ADCY3: variants seen among roughly 807,000 people sequenced by gnomAD.
ADCY3 encodes adenylate cyclase 3.
In ADCY3, 70 loss-of-function variants were observed where a neutral mutation model predicts 119.4. The ratio of observed to expected loss-of-function variants is 0.59; its 90% CI spans 0.48 to 0.72. The LOEUF is 0.72. Ranked by LOEUF, ADCY3 falls within the 30% of genes least tolerant of loss-of-function variation. ADCY3 has a pLI of 0.00. For synonymous variants in ADCY3, 672 were observed against 621.4 expected (o/e 1.08, Z -1.21); for missense variants, 1,238 against 1,541.6 (o/e 0.80, Z 3.30).
In ADCY3 at chr2:24,823,260, A is replaced by C; in HGVS notation, c.2832T>G (p.Gly944=). ...TGAGGAAACGCAGACACTCAATACCACCATTGTTGATGCTCTCCTCTGTGT... is the reference window on the plus strand; with the variant it reads ...TGAGGAAACGCAGACACTCAATACCCCCATTGTTGATGCTCTCCTCTGTGT... ...DFYTEESINN[G]GIECLRFLNE... Residue 944 remains glycine, a synonymous_variant, in exon 18 of 22, where the codon GGT becomes GGG. Transcript: ENST00000679454. 6.2e-7 allele frequency: 1 copy of C among 1,613,526 alleles called. No individual in the cohort carries two copies. The highest frequency in any genetic ancestry group is 8.5e-7 in the Non-Finnish European group (1 of 1,179,942).
At chr2:24,825,344 GGGGGTGCGGGGGGGGT>G (rs1286007519) in intron 16 of ADCY3, among the ~76,000 whole-genome samples, 1 of 19,660 alleles carries the variant, frequency 5.1e-5, no homozygotes, top group East Asian at 4.1e-3. Context: ...CGGGGGGGGG[GGGGGTGCGGGGGGGGT>G]GTCTCACTTT....
At chr2:24,861,378 G>C (rs1439210551) in intron 3 of ADCY3, among the ~76,000 whole-genome samples, 2 of 152,046 alleles carry the variant, frequency 1.3e-5, no homozygotes. Flanking sequence ...TTTTATAGGA[G>C]ACACTCATAA....
Position 24,878,056 on chromosome 2 carries a change from TATAG to T in ADCY3, c.676-5341_676-5338del. 3.2e-6 allele frequency: 1 copy of T among 313,882 alleles called. No individual in the cohort carries two copies. Among genetic ancestry groups the T allele is most frequent in the Non-Finnish European group, 6.9e-6 (1 of 145,050 alleles). The allele number at this position is 313,882 out of a possible 1,614,324, so 19.4% of individuals were successfully genotyped here. A position where few individuals can be genotyped will look rare whatever the true frequency, so the allele number is the denominator to read the frequency against. ...GTCCACAGCCCCTGGGGTCTCTATT[TATAG>T]ATCTTTTTACAAGTTTCTTAATCCT... is the stretch of plus-strand genomic sequence containing the variant. On this transcript the variant is annotated intron_variant, in intron 2 of 21. Transcript: ENST00000679454. The surrounding 1 kb of genome is among the most constrained non-coding windows in gnomAD (Gnocchi z 4.0).
intron 11 of ADCY3, 106 bp from the exon 12 acceptor site, chr2:24,831,855 CGGACAGG>C (rs1476768495): frequency 4.0e-5 from 4 of 100,914 alleles, no homozygotes; most frequent in East Asian, 5.7e-4. Flanking sequence ...CAGGGGACAG[CGGACAGG>C]GGGCAGGGGA....
intron 15 of ADCY3, among the ~76,000 whole-genome samples, chr2:24,827,066 A>G (rs1241853536): frequency 6.6e-6 from 1 of 152,140 alleles, no homozygotes; most frequent in Non-Finnish European, 1.5e-5. Context: ...CCCCTCTTCT[A>G]TTAGGTCATC....
chr2:24,871,358 T>C (rs1674987588), intron 3 of ADCY3, among the ~76,000 whole-genome samples: 1 of 152,228 alleles, frequency 6.6e-6, no homozygotes, highest in Non-Finnish European at 1.5e-5. Flanking sequence ...TACGATGGGC[T>C]ACTAAGCCTG....
chr2:24,850,652 C>T (rs1370365395), intron 3 of ADCY3, among the ~76,000 whole-genome samples: 1 of 152,182 alleles, frequency 6.6e-6, no homozygotes, highest in East Asian at 1.9e-4. Context: ...AGAATTTATC[C>T]CCCCAAATCC....
chr2:24,903,615 T>C (rs920102269), intron 2 of ADCY3, among the ~76,000 whole-genome samples: 9 of 151,990 alleles, frequency 5.9e-5, no homozygotes, highest in African/African-American at 2.2e-4. Flanking sequence ...CAATGATCCA[T>C]GCAAATGTTA....
At chr2:24,860,082 T>G (rs929370794) in intron 3 of ADCY3, among the ~76,000 whole-genome samples, 2 of 152,166 alleles carry the variant, frequency 1.3e-5, no homozygotes, top group African/African-American at 2.4e-5. Context: ...CATCCCTCCA[T>G]CTTCCCACAT....
At chr2:24,822,743 C>G in intron 18 of ADCY3, 113 bp from the exon 19 acceptor site, 1 of 1,400,802 alleles carries the variant, frequency 7.1e-7, no homozygotes, top group Non-Finnish European at 9.6e-7. Context: ...AGACACTTTC[C>G]TATCAAAGTT....
At chr2:24,843,780 C>T (rs1186616481) in intron 3 of ADCY3, among the ~76,000 whole-genome samples, 8 of 152,218 alleles carry the variant, frequency 5.3e-5, no homozygotes. Context: ...AGGCAGTGGG[C>T]TGAACCATCC....
In ADCY3 at chr2:24,884,545, A is replaced by G. The variant is rs1676800436; in HGVS notation, c.676-11826T>C. On this transcript the variant is annotated intron_variant, in intron 2 of 21. Coordinates refer to ENST00000679454, the MANE Select transcript of ADCY3 (RefSeq NM_004036.5). ...GGCTGAAGTGCAGTGGTGCAATCTCAGCTCACTGCAACCTCCGCCTCCCAG... is the reference window on the plus strand; with the variant it reads ...GGCTGAAGTGCAGTGGTGCAATCTCGGCTCACTGCAACCTCCGCCTCCCAG... Among the ~76,000 whole-genome samples the G allele has an allele frequency of 5.3e-5, 7 of 131,468 alleles. No individual in the cohort carries two copies. In the South Asian group the frequency reaches 1.6e-3, roughly 29 times the overall value. 86.2% of individuals were successfully genotyped at this position (131,468 alleles called of 152,430 possible). A position where few individuals can be genotyped will look rare whatever the true frequency, so the allele number is the denominator to read the frequency against.
Position 24,918,810 on chromosome 2 carries a change from C to G in ADCY3, c.178G>C (p.Glu60Gln). Reference sequence around the variant, plus strand: ...GTCTGGTAGAGGTTCTCCAAGGACTCCGGCACGAAAGTCAGCCGCATGAAG... The same window carrying G: ...GTCTGGTAGAGGTTCTCCAAGGACTGCGGCACGAAAGTCAGCCGCATGAAG... ...PRFMRLTFVP[E>Q]SLENLYQTYF... The change falls in exon 2 of 22, where the codon GAG becomes CAG. Residue 60 changes from glutamate (E) to glutamine (Q), a missense_variant. Glu to Gln is a conservative substitution (Grantham distance 29). Around this residue, in one of 7 missense-constraint regions of ADCY3, gnomAD observed 227 missense variants for 249.3 expected, o/e 0.91. Coordinates refer to ENST00000679454, the MANE Select transcript of ADCY3 (RefSeq NM_004036.5). The surrounding 1 kb of genome is among the most constrained non-coding windows in gnomAD (Gnocchi z 5.4). The G allele has an allele frequency of 6.2e-7, 1 of 1,613,798 alleles. No individual in the cohort carries two copies. Among genetic ancestry groups the G allele is most frequent in the Non-Finnish European group, 8.5e-7 (1 of 1,180,034 alleles).
At chr2:24,854,710 G>A (rs1183259461) in intron 3 of ADCY3, among the ~76,000 whole-genome samples, 1 of 152,150 alleles carries the variant, frequency 6.6e-6, no homozygotes, top group South Asian at 2.1e-4. Context: ...AATGTTGCGG[G>A]GGTTAGAAGG....
intron 2 of ADCY3, among the ~76,000 whole-genome samples, chr2:24,893,015 C>T (rs1677865744): frequency 1.4e-5 from 2 of 146,852 alleles, no homozygotes; most frequent in Non-Finnish European, 3.0e-5. Context: ...TATCCTTTTA[C>T]TTTTAATCTA....
rs149125787 is a variant in ADCY3, at chr2:24,873,836, C to T, written c.676-1117G>A. Among the ~76,000 whole-genome samples the T allele has an allele frequency of 1.0e-3, 155 of 152,326 alleles. 1 individual carries two copies. Among genetic ancestry groups the T allele is most frequent in the African/African-American group, 3.4e-3 (142 of 41,574 alleles). On this transcript the variant is annotated intron_variant, in intron 2 of 21. Coordinates refer to ENST00000679454, the MANE Select transcript of ADCY3 (RefSeq NM_004036.5). ...TCCCAGCCCTGGATCCCCGACGCCT[C>T]GCCTGCTAGGTGTGGTTTCTCGGAA... is the stretch of plus-strand genomic sequence containing the variant.
chr2:24,827,459 G>A, intron 15 of ADCY3, 87 bp downstream of exon 15: 1 of 1,439,226 alleles, frequency 6.9e-7, no homozygotes, highest in Non-Finnish European at 9.6e-7. Context: ...CCGGGAGGGT[G>A]AGATCCCGGG....
At chr2:24,915,018 G>A (rs1352784515) in intron 2 of ADCY3, among the ~76,000 whole-genome samples, 4 of 152,204 alleles carry the variant, frequency 2.6e-5, no homozygotes, top group Non-Finnish European at 4.4e-5. Flanking sequence ...CTCTCAGGCT[G>A]CCAACAGCCC....
At chr2:24,892,384 G>T (rs1053265856) in intron 2 of ADCY3, among the ~76,000 whole-genome samples, 2 of 152,108 alleles carry the variant, frequency 1.3e-5, no homozygotes, top group Non-Finnish European at 2.9e-5. Context: ...AAGTAGCTGG[G>T]ATTACAGGCG....
Sources: gnomAD v4.1 joint callset for allele counts (sites outside exome capture counted in the v4.1 genomes callset) on GRCh38, gnomAD v4.1.1 for gene constraint, gnomAD v4.1.1 regional missense constraint, Gnocchi (gnomAD v3.1) non-coding constraint, MANE v1.5 for transcripts, NCBI Gene and HGNC (gene_info 2026-07-23, HGNC 2026-07-21) for gene names.